The following PCDHA9 variants were observed in gnomAD, a reference collection of about 807,000 sequenced individuals.
PCDHA9 encodes protocadherin alpha-9.
PCDHA9 carries 62 observed loss-of-function variants against 62.0 expected under a neutral mutation model. The observed-to-expected ratio is 1.00, with a 90% CI of 0.81 to 1.23. The LOEUF (loss-of-function observed/expected upper bound fraction) is 1.23, where lower values mean the gene tolerates loss of function less well. Among genes scored for constraint, PCDHA9 ranks in the 50% most tolerant of loss-of-function variants. The pLI is 0.00. For synonymous variants in PCDHA9, 557 were observed against 567.6 expected (o/e 0.98, Z 0.27); for missense variants, 1,205 against 1,249.8 (o/e 0.96, Z 0.54).
In PCDHA9 at chr5:140,870,728, C is replaced by A. The variant is rs531202250; in HGVS notation, c.2394+19839C>A. On this transcript the variant is annotated intron_variant, in intron 1 of 3. Coordinates refer to ENST00000532602, the MANE Select transcript of PCDHA9 (RefSeq NM_031857.2). ...GTGAGCGCGCGCGATGCGGGCGTGCCGCCTCTGAGCAGCAACGTGACGCTG... is the reference window on the plus strand; with the variant it reads ...GTGAGCGCGCGCGATGCGGGCGTGCAGCCTCTGAGCAGCAACGTGACGCTG... The A allele has an allele frequency of 5.8e-5, 93 of 1,613,338 alleles. No individual in the cohort carries two copies. Among genetic ancestry groups the A allele is most frequent in the East Asian group, 1.1e-4 (5 of 44,876 alleles).
chr5:140,883,925 G>T (rs1554180613), intron 1 of PCDHA9: 2 of 1,613,466 alleles, frequency 1.2e-6, no homozygotes, highest in Non-Finnish European at 1.7e-6. Context: ...GACGCTGCAG[G>T]TGTTCGTGCT....
intron 3 of PCDHA9, among the ~76,000 whole-genome samples, chr5:140,996,245 G>A (rs2097718426): frequency 6.6e-6 from 1 of 152,220 alleles, no homozygotes; most frequent in South Asian, 2.1e-4. Context: ...AGGCTGAGAA[G>A]TGACAGCAAC....
At chr5:140,919,124 A>G (rs1195742790) in intron 1 of PCDHA9, among the ~76,000 whole-genome samples, 1 of 151,996 alleles carries the variant, frequency 6.6e-6, no homozygotes, top group Non-Finnish European at 1.5e-5. Flanking sequence ...TTTTTGCTTC[A>G]TGTGTTTTGG....
intron 1 of PCDHA9, among the ~76,000 whole-genome samples, chr5:140,888,521 C>A (rs191011552): frequency 1.3e-5 from 2 of 152,142 alleles, no homozygotes; most frequent in African/African-American, 2.4e-5. Context: ...TTAGTTCTGA[C>A]GTGAAGTTAA....
intron 1 of PCDHA9, chr5:140,929,602 A>G: frequency 2.4e-6 from 1 of 417,610 alleles, no homozygotes; most frequent in Non-Finnish European, 4.3e-6. Flanking sequence ...CTAAAATTAA[A>G]AATAAAATAC....
In PCDHA9 at chr5:140,969,100, C is replaced by T. The variant is rs781998624; in HGVS notation, c.2395-9849C>T. ...ATGGCCTCAAAGTGCAGCCTCACTT[C>T]ATTGAAGTTCGAGGGAATGGCTCCC... On this transcript the variant is annotated intron_variant, in intron 1 of 3. Coordinates refer to ENST00000532602, the MANE Select transcript of PCDHA9 (RefSeq NM_031857.2). The T allele has an allele frequency of 8.7e-6, 14 of 1,614,054 alleles. No individual in the cohort carries two copies. The South Asian group carries it at 8.8e-5, about 10-fold the overall frequency.
intron 1 of PCDHA9, chr5:140,875,955 T>C: frequency 6.2e-7 from 1 of 1,614,158 alleles, no homozygotes; most frequent in African/African-American, 1.3e-5. Flanking sequence ...CTGATGCGGA[T>C]ATCGGCGTAA....
At position 141,009,957 on chromosome 5, in the gene PCDHA9, G is replaced by A; in HGVS notation, c.*20G>A. The stretch of plus-strand genomic sequence containing the variant: ...CAGTGAGGTCCTCAAATGGAAACAA[G>A]CCACTTAGCCAGTTTTTGTAATAAT... On this transcript the variant is annotated 3_prime_UTR_variant, in exon 4 of 4. Transcript: ENST00000532602. 1 of 1,589,160 alleles carries A rather than the reference G, an allele frequency of 6.3e-7. No individual in the cohort carries two copies. Among genetic ancestry groups the A allele is most frequent in the Non-Finnish European group, 8.5e-7 (1 of 1,171,102 alleles).
intron 1 of PCDHA9, among the ~76,000 whole-genome samples, chr5:140,964,964 C>T (rs1035701368): frequency 2.6e-5 from 4 of 152,212 alleles, no homozygotes; most frequent in Non-Finnish European, 4.4e-5. Flanking sequence ...GTTGGTGGAA[C>T]GAAGGGATGT....
At chr5:140,989,851 G>C (rs1247481417) in intron 3 of PCDHA9, among the ~76,000 whole-genome samples, 1 of 152,106 alleles carries the variant, frequency 6.6e-6, no homozygotes, top group Non-Finnish European at 1.5e-5. Context: ...TGTGTGGACT[G>C]GAGAGGAATC....
At chr5:140,942,757 T>C (rs2093364947) in intron 1 of PCDHA9, among the ~76,000 whole-genome samples, 1 of 152,174 alleles carries the variant, frequency 6.6e-6, no homozygotes, top group South Asian at 2.1e-4. Context: ...ATAAATGAGA[T>C]GGCATAATGT....
At chr5:140,920,746 A>AG (rs1190651507) in intron 1 of PCDHA9, among the ~76,000 whole-genome samples, 2 of 151,430 alleles carry the variant, frequency 1.3e-5, no homozygotes, top group African/African-American at 4.8e-5. Context: ...CAGGAGGCTG[A>AG]GGCAGGAGAA....
intron 3 of PCDHA9, among the ~76,000 whole-genome samples, chr5:141,005,547 C>A (rs2098220537): frequency 6.6e-6 from 1 of 150,736 alleles, no homozygotes; most frequent in South Asian, 2.1e-4. Flanking sequence ...ACTAAAAATA[C>A]AAAAATTAGC....
Position 141,010,035 on chromosome 5 carries a change from G to A in PCDHA9, c.*98G>A. 7 of 1,582,518 alleles carry A rather than the reference G, an allele frequency of 4.4e-6. No individual in the cohort carries two copies. The South Asian group carries it at 7.1e-5, about 16-fold the overall frequency. ...CTGCTCCTTTTTCCTATCTACATGAGCCCTCTTAGAGACCTCAGAAATCTG... is the reference window on the plus strand; with the variant it reads ...CTGCTCCTTTTTCCTATCTACATGAACCCTCTTAGAGACCTCAGAAATCTG... On this transcript the variant is annotated 3_prime_UTR_variant, in exon 4 of 4. Coordinates refer to ENST00000532602, the MANE Select transcript of PCDHA9 (RefSeq NM_031857.2).
intron 2 of PCDHA9, among the ~76,000 whole-genome samples, chr5:140,981,989 A>G (rs1343187322): frequency 2.0e-5 from 3 of 152,236 alleles, no homozygotes; most frequent in African/African-American, 4.8e-5. Flanking sequence ...AAAATAGAAA[A>G]TAAGGTTAAG....
At chr5:140,868,922 C>A in intron 1 of PCDHA9, 2 of 1,015,106 alleles carry the variant, frequency 2.0e-6, no homozygotes, top group Non-Finnish European at 2.8e-6. Flanking sequence ...GTGGAAAGTT[C>A]ATTTAAAGGT....
chr5:140,994,717 A>T (rs1350882833), intron 3 of PCDHA9, among the ~76,000 whole-genome samples: 4 of 152,164 alleles, frequency 2.6e-5, no homozygotes, highest in Admixed American at 6.6e-5. Context: ...AAAAAAATTT[A>T]AAATACTGGG....
intron 1 of PCDHA9, among the ~76,000 whole-genome samples, chr5:140,975,269 T>A (rs1348655604): frequency 1.3e-5 from 2 of 152,252 alleles, no homozygotes; most frequent in African/African-American, 4.8e-5. Context: ...CTGATTTCTG[T>A]CTCTGACCTC....
chr5:140,994,788 C>G (rs139745274), intron 3 of PCDHA9, among the ~76,000 whole-genome samples: 1 of 152,194 alleles, frequency 6.6e-6, no homozygotes, highest in East Asian at 1.9e-4. Context: ...GGAAACAATG[C>G]GTGCATGCAA....
Sources: gnomAD v4.1 joint callset for allele counts (sites outside exome capture counted in the v4.1 genomes callset) on GRCh38, gnomAD v4.1.1 for gene constraint, MANE v1.5 for transcripts, NCBI Gene and HGNC (gene_info 2026-07-23, HGNC 2026-07-21) for gene names.